Variants in TASP1 observed in about 807,000 individuals in gnomAD.
TASP1 encodes taspase 1.
A neutral mutation model predicts 56.6 loss-of-function variants in TASP1; 16 were observed. The observed-to-expected ratio is 0.28, with a 90% CI of 0.19 to 0.43. The LOEUF (loss-of-function observed/expected upper bound fraction) is 0.43, where lower values mean the gene tolerates loss of function less well. Among genes scored for constraint, TASP1 ranks in the 20% least tolerant of loss-of-function variants. The pLI, the probability that TASP1 is intolerant of heterozygous loss-of-function variation, is 1.00. For synonymous variants in TASP1, 179 were observed against 184.2 expected (o/e 0.97, Z 0.23); for missense variants, 393 against 511.6 (o/e 0.77, Z 2.24).
At chr20:13,369,855 T>C in the TASP1 span, among the ~76,000 whole-genome samples, 3 of 152,188 alleles carry the variant, frequency 2.0e-5, no homozygotes, top group Non-Finnish European at 2.9e-5. Context: ...TCTGGAAAGA[T>C]GAAATGCAGG....
chr20:13,561,431 T>A (rs887336294), intron 7 of TASP1, among the ~76,000 whole-genome samples: 20 of 152,152 alleles, frequency 1.3e-4, no homozygotes, highest in Admixed American at 2.0e-4. Flanking sequence ...AGTGGCACAA[T>A]CTGGACTCAC....
the TASP1 span, among the ~76,000 whole-genome samples, chr20:13,263,338 C>A: frequency 4.6e-5 from 7 of 152,058 alleles, no homozygotes; most frequent in Admixed American, 1.3e-4. Context: ...ACAAGCCCCC[C>A]ACCACCCCCT....
chr20:13,112,995 C>G, the TASP1 span, among the ~76,000 whole-genome samples: 3 of 152,152 alleles, frequency 2.0e-5, no homozygotes, highest in East Asian at 5.8e-4. Flanking sequence ...CCAGCCTAGC[C>G]AACAGGGTGA....
the TASP1 span, among the ~76,000 whole-genome samples, chr20:13,321,794 A>C: frequency 6.6e-6 from 1 of 152,182 alleles, no homozygotes; most frequent in Non-Finnish European, 1.5e-5. Context: ...TTTCATGTGT[A>C]TTTTACTAGG....
intron 12 of TASP1, among the ~76,000 whole-genome samples, chr20:13,429,422 A>T (rs1385427182): frequency 6.6e-6 from 1 of 152,214 alleles, no homozygotes. Flanking sequence ...GAATGAAGAG[A>T]AAAACTAGTT....
At chr20:13,421,958 T>TTTTTTTTTTTTA in intron 12 of TASP1, among the ~76,000 whole-genome samples, 2 of 149,872 alleles carry the variant, frequency 1.3e-5, no homozygotes, top group African/African-American at 5.0e-5. Flanking sequence ...TTAACCTTTT[T>TTTTTTTTTTTTA]TTTTTTTTTT....
the TASP1 span, among the ~76,000 whole-genome samples, chr20:13,269,095 G>A: frequency 6.6e-6 from 1 of 152,138 alleles, no homozygotes; most frequent in Non-Finnish European, 1.5e-5. Context: ...CTGTGGTGGG[G>A]GGCAAAGAGG....
the TASP1 span, among the ~76,000 whole-genome samples, chr20:13,360,497 G>A: frequency 0.21 from 30,662 of 148,686 alleles, 2,847 homozygotes; most frequent in African/African-American, 0.37. Context: ...CATGGTTAGC[G>A]CGGTCAGAAT....
the TASP1 span, chr20:13,279,719 C>T: frequency 7.6e-5 from 123 of 1,613,908 alleles, no homozygotes; most frequent in Non-Finnish European, 9.7e-5. Flanking sequence ...TCAGTCCCAT[C>T]CCCCGACTGG....
chr20:13,433,520 CAA>C (rs74746255), intron 12 of TASP1, among the ~76,000 whole-genome samples: 149 of 89,190 alleles, frequency 1.7e-3, no homozygotes, highest in African/African-American at 6.1e-3. Context: ...GACAGTATGG[CAA>C]AAAAAAAAAA....
chr20:13,341,502 G>A, the TASP1 span, among the ~76,000 whole-genome samples: 10 of 152,104 alleles, frequency 6.6e-5, no homozygotes, highest in Admixed American at 5.2e-4. Flanking sequence ...AATATTTCAA[G>A]GAAGTTTTGG....
At chr20:13,256,988 G>T in the TASP1 span, among the ~76,000 whole-genome samples, 1 of 152,146 alleles carries the variant, frequency 6.6e-6, no homozygotes, top group East Asian at 1.9e-4. Flanking sequence ...AAGAGAAAAT[G>T]TAACAATGTG....
the TASP1 span, among the ~76,000 whole-genome samples, chr20:13,365,012 GA>G: frequency 2.0e-5 from 3 of 152,018 alleles, no homozygotes; most frequent in African/African-American, 7.3e-5. Context: ...ATAATTTTCA[GA>G]ACAAACAGAT....
At chr20:13,559,142 A>C (rs763225350) in intron 7 of TASP1, 28 bp from the exon 8 acceptor site, 9 of 1,407,254 alleles carry the variant, frequency 6.4e-6, no homozygotes, top group Middle Eastern at 2.2e-4. Flanking sequence ...AAAACATTAA[A>C]TATAACATTT....
At chr20:13,590,455 C>A (rs75944532) in intron 4 of TASP1, among the ~76,000 whole-genome samples, 1 of 152,014 alleles carries the variant, frequency 6.6e-6, no homozygotes, top group African/African-American at 2.4e-5. Context: ...CAACAATGAC[C>A]GAATTAGCAA....
chr20:13,180,286 C>T, the TASP1 span, among the ~76,000 whole-genome samples: 81 of 152,182 alleles, frequency 5.3e-4, no homozygotes. Flanking sequence ...TCATACACCC[C>T]AGCCAGACAA....
the TASP1 span, among the ~76,000 whole-genome samples, chr20:13,313,502 C>G: frequency 6.6e-6 from 1 of 152,214 alleles, no homozygotes; most frequent in Admixed American, 6.5e-5. Flanking sequence ...CTGTACAACA[C>G]TTTCCTTTTT....
the TASP1 span, among the ~76,000 whole-genome samples, chr20:13,158,716 C>T: frequency 6.6e-6 from 1 of 152,172 alleles, no homozygotes. Context: ...AATGTTGCCT[C>T]GCCCAAGCCA....
chr20:13,559,109 T>G lies in TASP1; in HGVS notation c.574A>C (p.Ser192Arg). 6.5e-7 allele frequency: 1 copy of G among 1,542,352 alleles called. No individual in the cohort carries two copies. Among genetic ancestry groups the G allele is most frequent in the South Asian group, 1.3e-5 (1 of 76,926 alleles). Residue 192 changes from serine (S) to arginine (R), a missense_variant, in exon 8 of 14, where the codon AGT becomes CGT. Ser to Arg is a moderately radical substitution (Grantham distance 110). Around this residue, in one of 3 missense-constraint regions of TASP1, gnomAD observed 293 missense variants for 354.2 expected, o/e 0.83. Transcript: ENST00000337743. ...TTGTTTCTTTTAAATGCAGCTAAACTGAATCCTATAAAATAAAAATAAAAA... is the reference window on the plus strand; with the variant it reads ...TTGTTTCTTTTAAATGCAGCTAAACGGAATCCTATAAAATAAAAATAAAAA... ...CPPNIMTTRF[S>R]LAAFKRNKRK...
Sources: allele counts gnomAD v4.1 joint callset (sites outside exome capture counted in the v4.1 genomes callset), GRCh38; gene constraint gnomAD v4.1.1; regional missense constraint gnomAD v4.1.1; transcripts MANE v1.5; gene names NCBI Gene and HGNC (gene_info 2026-07-23, HGNC 2026-07-21).